ITPR2: variants seen among roughly 807,000 people sequenced by gnomAD.
ITPR2 encodes the protein inositol 1,4,5-trisphosphate receptor type 2.
A neutral mutation model predicts 317.1 loss-of-function variants in ITPR2; 207 were observed. The observed-to-expected ratio is 0.65, with a 90% CI of 0.58 to 0.73. ITPR2 has a LOEUF of 0.73. Ranked by LOEUF, ITPR2 falls within the 30% of genes least tolerant of loss-of-function variation. ITPR2 has a pLI of 0.00. For missense variants in ITPR2, 2,613 were observed against 3,284.0 expected (o/e 0.80, Z 4.99); for synonymous variants, 1,156 against 1,149.1 (o/e 1.01, Z -0.12).
chr12:26,442,925 C>T (rs1329708805), intron 46 of ITPR2, among the ~76,000 whole-genome samples: 1 of 152,118 alleles, frequency 6.6e-6, no homozygotes, highest in African/African-American at 2.4e-5. Flanking sequence ...CAGCCAGTGT[C>T]AAAATGATAC....
chr12:26,435,434 TA>T (rs1343162804), intron 48 of ITPR2, among the ~76,000 whole-genome samples: 5 of 152,186 alleles, frequency 3.3e-5, no homozygotes, highest in Non-Finnish European at 7.3e-5. Flanking sequence ...GCATGGTTAT[TA>T]TTAGCTGATT....
chr12:26,723,588 A>G (rs567455903), intron 4 of ITPR2, among the ~76,000 whole-genome samples: 13 of 152,320 alleles, frequency 8.5e-5, no homozygotes, highest in Middle Eastern at 3.4e-3. Flanking sequence ...CATTCGATTA[A>G]GTCATACATT....
In ITPR2 at chr12:26,685,251, A is replaced by T. The variant is rs185012155; in HGVS notation, c.1148+1230T>A. ...TCGATGCATCTAGAGAGTGCATCAT[A>T]GCCTTATGGTTGAAAGATGGACAGT... On this transcript the variant is annotated intron_variant, in intron 11 of 56. Coordinates refer to ENST00000381340, the MANE Select transcript of ITPR2 (RefSeq NM_002223.4). Among the ~76,000 whole-genome samples, 417 of 152,312 alleles carry T rather than the reference A, an allele frequency of 2.7e-3. 1 individual carries two copies. Among genetic ancestry groups the T allele is most frequent in the African/African-American group, 9.7e-3 (405 of 41,570 alleles).
At chr12:26,610,157 G>A (rs1480217366) in intron 26 of ITPR2, among the ~76,000 whole-genome samples, 3 of 152,178 alleles carry the variant, frequency 2.0e-5, no homozygotes, top group African/African-American at 7.2e-5. Context: ...ATTCTGTCTA[G>A]AACACATGGA....
At chr12:26,787,194 C>T (rs1041265687) in intron 2 of ITPR2, among the ~76,000 whole-genome samples, 31 of 152,180 alleles carry the variant, frequency 2.0e-4, no homozygotes, top group African/African-American at 7.2e-4. Flanking sequence ...GCTGCATAAA[C>T]AATGCATCAT....
chr12:26,519,345 G>C (rs1235028141), intron 37 of ITPR2, among the ~76,000 whole-genome samples: 2 of 152,140 alleles, frequency 1.3e-5, no homozygotes, highest in African/African-American at 2.4e-5. Flanking sequence ...ATGGCTCAAT[G>C]TTAGAAACAT....
intron 54 of ITPR2, among the ~76,000 whole-genome samples, chr12:26,392,352 A>G (rs183086880): frequency 6.6e-6 from 1 of 152,154 alleles, no homozygotes; most frequent in African/African-American, 2.4e-5. Context: ...TGACTTTCTC[A>G]TCATTCGCCA....
At chr12:26,787,011 A>C (rs888908667) in intron 2 of ITPR2, among the ~76,000 whole-genome samples, 14 of 146,490 alleles carry the variant, frequency 9.6e-5, no homozygotes, top group African/African-American at 3.1e-4. Context: ...AATGGCTTTT[A>C]AAGCCAAAAA....
intron 55 of ITPR2, among the ~76,000 whole-genome samples, chr12:26,367,517 A>G (rs1005196910): frequency 6.6e-6 from 1 of 152,236 alleles, no homozygotes; most frequent in Non-Finnish European, 1.5e-5. Flanking sequence ...AAGATAGTAA[A>G]GGATAAGATT....
intron 26 of ITPR2, among the ~76,000 whole-genome samples, chr12:26,620,573 T>A (rs1163379645): frequency 6.6e-6 from 1 of 152,158 alleles, no homozygotes; most frequent in African/African-American, 2.4e-5. Flanking sequence ...AGGTACTTAG[T>A]GAAATGTGAA....
intron 54 of ITPR2, among the ~76,000 whole-genome samples, chr12:26,397,151 C>G (rs769071745): frequency 2.6e-5 from 4 of 152,108 alleles, no homozygotes; most frequent in Non-Finnish European, 5.9e-5. Context: ...GGTTCATCTT[C>G]CACTGTAAGT....
intron 2 of ITPR2, among the ~76,000 whole-genome samples, chr12:26,769,748 T>C (rs1949805913): frequency 6.6e-6 from 1 of 152,178 alleles, no homozygotes; most frequent in African/African-American, 2.4e-5. Context: ...AGGGAACTGA[T>C]TTGATATATT....
intron 1 of ITPR2, among the ~76,000 whole-genome samples, chr12:26,826,749 T>G (rs928266538): frequency 6.6e-6 from 1 of 152,008 alleles, no homozygotes; most frequent in African/African-American, 2.4e-5. Context: ...CATATACAGA[T>G]GTACACACAC....
At chr12:26,704,172 T>TA (rs150251288) in intron 9 of ITPR2, among the ~76,000 whole-genome samples, 4,793 of 152,232 alleles carry the variant, frequency 0.031, 192 homozygotes, top group African/African-American at 0.091. Context: ...GTATAGACCA[T>TA]AAAAAAACTA....
intron 34 of ITPR2, among the ~76,000 whole-genome samples, chr12:26,573,586 TG>T (rs766577618): frequency 2.0e-5 from 3 of 151,858 alleles, no homozygotes; most frequent in Non-Finnish European, 2.9e-5. Flanking sequence ...AGACACTGCA[TG>T]GGGGGTGTTC....
At chr12:26,697,769 G>C (rs1159491751) in intron 9 of ITPR2, among the ~76,000 whole-genome samples, 1 of 151,856 alleles carries the variant, frequency 6.6e-6, no homozygotes, top group Non-Finnish European at 1.5e-5. Flanking sequence ...CTCCAGCCTG[G>C]ATGACGAAGT....
chr12:26,459,411 G>T (rs1381699091), intron 45 of ITPR2, among the ~76,000 whole-genome samples: 1 of 152,172 alleles, frequency 6.6e-6, no homozygotes, highest in Non-Finnish European at 1.5e-5. Flanking sequence ...TGCTTTGCAG[G>T]TAGTAAATCC....
intron 1 of ITPR2, among the ~76,000 whole-genome samples, chr12:26,811,528 G>A (rs964220616): frequency 2.0e-5 from 3 of 151,880 alleles, no homozygotes; most frequent in African/African-American, 4.8e-5. Flanking sequence ...GGCGGATCAC[G>A]AGGTCAGGAG....
chr12:26,479,661 G>C (rs912441639), intron 43 of ITPR2, among the ~76,000 whole-genome samples: 2 of 152,148 alleles, frequency 1.3e-5, no homozygotes, highest in Middle Eastern at 3.2e-3. Context: ...GTAATGAATC[G>C]AGGGGCACAA....
Sources: allele counts gnomAD v4.1 joint callset (sites outside exome capture counted in the v4.1 genomes callset), GRCh38; gene constraint gnomAD v4.1.1; transcripts MANE v1.5; gene names NCBI Gene and HGNC (gene_info 2026-07-23, HGNC 2026-07-21).